The following VAV3 variants were observed in gnomAD, a reference collection of about 807,000 sequenced individuals.
The protein encoded by VAV3 is guanine nucleotide exchange factor VAV3.
Under a neutral mutation model 131.2 loss-of-function variants are expected in VAV3, and 94 were observed. That is an observed-to-expected ratio of 0.72 (90% CI 0.61 to 0.85). VAV3 has a LOEUF of 0.85. Ranked by LOEUF, VAV3 falls within the 40% of genes least tolerant of loss-of-function variation. The pLI is 0.00. For missense variants in VAV3, 939 were observed against 1,002.7 expected (o/e 0.94, Z 0.86); for synonymous variants, 349 against 342.0 (o/e 1.02, Z -0.22).
chr1:107,746,481 C>A (rs1349422056), intron 15 of VAV3, among the ~76,000 whole-genome samples: 3 of 152,196 alleles, frequency 2.0e-5, no homozygotes, highest in South Asian at 2.1e-4. Context: ...TGTGCATGTG[C>A]TGCAGCCATC....
At chr1:107,901,411 T>C (rs989936576) in intron 1 of VAV3, among the ~76,000 whole-genome samples, 1 of 152,268 alleles carries the variant, frequency 6.6e-6, no homozygotes, top group Non-Finnish European at 1.5e-5. Flanking sequence ...AATTACTGTG[T>C]AGTTTTAACA....
chr1:107,723,949 G>A (rs563612741), intron 15 of VAV3, among the ~76,000 whole-genome samples: 2 of 152,082 alleles, frequency 1.3e-5, no homozygotes, highest in Non-Finnish European at 2.9e-5. Flanking sequence ...TTTTGAGGTA[G>A]CTATTATGTC....
At chr1:107,594,764 A>T (rs1651240515) in intron 25 of VAV3, among the ~76,000 whole-genome samples, 1 of 152,090 alleles carries the variant, frequency 6.6e-6, no homozygotes, top group Non-Finnish European at 1.5e-5. Flanking sequence ...GGAGTGAACC[A>T]CAGAGTGAAA....
chr1:107,813,870 T>C (rs1249418699), intron 2 of VAV3, among the ~76,000 whole-genome samples: 1 of 152,136 alleles, frequency 6.6e-6, no homozygotes. Context: ...TGTCTTTCTG[T>C]GCCTGAGTTA....
chr1:107,610,037 G>T, intron 21 of VAV3, 72 bp from the exon 22 acceptor site: 2 of 1,457,426 alleles, frequency 1.4e-6, no homozygotes, highest in South Asian at 2.3e-5. Context: ...CATTAATTCA[G>T]TTCAGCTGAC....
chr1:107,647,416 A>G lies in VAV3; in HGVS notation c.1778-4661T>C, dbSNP rs114722875. On this transcript the variant is annotated intron_variant, in intron 19 of 26. Coordinates refer to ENST00000370056, the MANE Select transcript of VAV3 (RefSeq NM_006113.5). ...TCATCAAATGTGACTTCAGCATTCCATAAGTGCTGGGCATGGCAGTTTCAG... is the reference window on the plus strand; with the variant it reads ...TCATCAAATGTGACTTCAGCATTCCGTAAGTGCTGGGCATGGCAGTTTCAG... 1.0e-2 allele frequency among the ~76,000 whole-genome samples: 1,519 copies of G among 152,030 alleles called. 11 individuals carry two copies. Among genetic ancestry groups the G allele is most frequent in the Non-Finnish European group, 0.015 (991 of 67,938 alleles).
At chr1:107,813,886 C>G (rs1667436965) in intron 2 of VAV3, among the ~76,000 whole-genome samples, 1 of 151,722 alleles carries the variant, frequency 6.6e-6, no homozygotes, top group African/African-American at 2.4e-5. Flanking sequence ...AGTTATTGCA[C>G]TTAACATAAT....
chr1:107,871,319 C>T (rs1035876452), intron 2 of VAV3, among the ~76,000 whole-genome samples: 32 of 151,824 alleles, frequency 2.1e-4, no homozygotes, highest in African/African-American at 6.8e-4. Flanking sequence ...AAACCCTCAA[C>T]GTCCCCCATT....
intron 1 of VAV3, among the ~76,000 whole-genome samples, chr1:107,936,712 A>T (rs1368695683): frequency 6.6e-6 from 1 of 152,210 alleles, no homozygotes; most frequent in Admixed American, 6.5e-5. Flanking sequence ...AGAATGCATG[A>T]CAAAATGCCA....
intron 2 of VAV3, among the ~76,000 whole-genome samples, chr1:107,856,601 T>C (rs571832283): frequency 6.6e-6 from 1 of 152,334 alleles, no homozygotes; most frequent in South Asian, 2.1e-4. Context: ...GATAACTAAT[T>C]GATAGCACTT....
chr1:107,911,285 T>A (rs1183805537), intron 1 of VAV3, among the ~76,000 whole-genome samples: 1 of 152,262 alleles, frequency 6.6e-6, no homozygotes, highest in Non-Finnish European at 1.5e-5. Flanking sequence ...CTGTGTATTG[T>A]ATTCCTTTGT....
At chr1:107,597,023 T>C (rs1369305798) in intron 24 of VAV3, among the ~76,000 whole-genome samples, 1 of 152,152 alleles carries the variant, frequency 6.6e-6, no homozygotes, top group Non-Finnish European at 1.5e-5. Flanking sequence ...CGCAGGTTGG[T>C]TTCATAGATT....
At chr1:107,669,323 C>T in intron 19 of VAV3, 1 of 1,289,662 alleles carries the variant, frequency 7.8e-7, no homozygotes, top group Non-Finnish European at 1.0e-6. Flanking sequence ...TTGCTGGACA[C>T]CAGCCTTGTC....
chr1:107,787,372 TA>T (rs1320187656), intron 2 of VAV3, among the ~76,000 whole-genome samples: 2 of 152,114 alleles, frequency 1.3e-5, no homozygotes, highest in African/African-American at 2.4e-5. Flanking sequence ...GGAAAGACCA[TA>T]ACAATGAAGG....
chr1:107,788,615 C>T (rs1019761732), intron 2 of VAV3, among the ~76,000 whole-genome samples: 2 of 152,188 alleles, frequency 1.3e-5, no homozygotes, highest in African/African-American at 2.4e-5. Flanking sequence ...GTTTTACCAT[C>T]CCCCGGTCCA....
intron 2 of VAV3, among the ~76,000 whole-genome samples, chr1:107,786,868 C>T (rs866412853): frequency 1.3e-5 from 2 of 152,162 alleles, no homozygotes; most frequent in Admixed American, 6.5e-5. Context: ...CTCTATCTTA[C>T]AAATTCTAGA....
At chr1:107,651,957 G>T (rs1656206247) in intron 19 of VAV3, among the ~76,000 whole-genome samples, 1 of 151,864 alleles carries the variant, frequency 6.6e-6, no homozygotes, top group African/African-American at 2.4e-5. Flanking sequence ...GCTTTCTTAG[G>T]GTTCCTTAAA....
At chr1:107,574,466 TA>T (rs1649477865) in intron 25 of VAV3, among the ~76,000 whole-genome samples, 1 of 152,146 alleles carries the variant, frequency 6.6e-6, no homozygotes, top group Non-Finnish European at 1.5e-5. Flanking sequence ...CTAGTTTTTA[TA>T]AAAATGAAAC....
chr1:107,923,643 T>C (rs568214717), intron 1 of VAV3, among the ~76,000 whole-genome samples: 1 of 151,598 alleles, frequency 6.6e-6, no homozygotes, highest in African/African-American at 2.4e-5. Context: ...TCAGGAAAAA[T>C]AAGTGCAAGC....
Sources: allele counts gnomAD v4.1 joint callset (sites outside exome capture counted in the v4.1 genomes callset), GRCh38; gene constraint gnomAD v4.1.1; transcripts MANE v1.5; gene names NCBI Gene and HGNC (gene_info 2026-07-23, HGNC 2026-07-21).